Variants in MLN observed in about 807,000 individuals in gnomAD.
MLN encodes the protein promotilin.
A neutral mutation model predicts 13.3 loss-of-function variants in MLN; 14 were observed. That is an observed-to-expected ratio of 1.05 (90% CI 0.69 to 1.64). The LOEUF is 1.64. Ranked by LOEUF, MLN falls within the 40% of genes most tolerant of loss-of-function variation. MLN has a pLI of 0.00. For missense variants in MLN, 122 were observed against 142.9 expected (o/e 0.85, Z 0.75); for synonymous variants, 59 against 54.7 (o/e 1.08, Z -0.34).
chr6:33,796,606 A>G (rs1767929460), intron 3 of MLN, among the ~76,000 whole-genome samples: 1 of 152,084 alleles, frequency 6.6e-6, no homozygotes, highest in Non-Finnish European at 1.5e-5. Flanking sequence ...CCTGCCTCCC[A>G]CCGGGCTCCC....
rs1767993308 is a variant in MLN, at chr6:33,799,236, G to T, written c.118-15C>A. ...CGTTCCTTTTCCTAGGGGCAGAACAGAAAATTGCACAAAACCGCCCTCCCT... is the reference window on the plus strand; with the variant it reads ...CGTTCCTTTTCCTAGGGGCAGAACATAAAATTGCACAAAACCGCCCTCCCT... On this transcript the variant is annotated splice_polypyrimidine_tract_variant and intron_variant, in intron 2 of 4. Transcript: ENST00000430124. The surrounding 1 kb of genome is among the most constrained non-coding windows in gnomAD (Gnocchi z 4.6). 6.3e-7 allele frequency: 1 copy of T among 1,596,742 alleles called. No individual in the cohort carries two copies. Among genetic ancestry groups the T allele is most frequent in the East Asian group, 2.2e-5 (1 of 44,554 alleles).
chr6:33,799,546 T>C lies in MLN; in HGVS notation c.118-325A>G, dbSNP rs1006429785. On this transcript the variant is annotated intron_variant, in intron 2 of 4. Transcript: ENST00000430124. The surrounding 1 kb of genome is among the most constrained non-coding windows in gnomAD (Gnocchi z 4.6). ...GAAAATAATGCCTGCCCTTCATGCATATTAAGTGTGAAAATGTGTCTTTCT... is the reference window on the plus strand; with the variant it reads ...GAAAATAATGCCTGCCCTTCATGCACATTAAGTGTGAAAATGTGTCTTTCT... Among the ~76,000 whole-genome samples the C allele has an allele frequency of 6.6e-6, 1 of 152,160 alleles. No homozygotes were observed. Among genetic ancestry groups the C allele is most frequent in the African/African-American group, 2.4e-5 (1 of 41,432 alleles).
In MLN at chr6:33,803,255, T is replaced by TC. The variant is rs1275075121; in HGVS notation, c.-8+697dup. On this transcript the variant is annotated intron_variant, in intron 1 of 4. Coordinates refer to ENST00000430124, the MANE Select transcript of MLN (RefSeq NM_002418.3). The surrounding 1 kb of genome is among the most constrained non-coding windows in gnomAD (Gnocchi z 4.5). ...CACCCCTGGCCGGGCTAGCCTTGCC[T>TC]CCCCATGTGCTCTCCCTCGGGGTCA... Among the ~76,000 whole-genome samples the TC allele has an allele frequency of 1.3e-5, 2 of 151,434 alleles. No homozygotes were observed. Among genetic ancestry groups the TC allele is most frequent in the Non-Finnish European group, 2.9e-5 (2 of 67,910 alleles).
At chr6:33,802,263 G>A (rs1204687653) in intron 1 of MLN, among the ~76,000 whole-genome samples, 1 of 152,198 alleles carries the variant, frequency 6.6e-6, no homozygotes. Context: ...TGCGCTGGGT[G>A]GACTGCTGAG....
rs1760898800 is a variant in MLN, at chr6:33,803,360, T to G, written c.-8+593A>C. ...TCTCGCTCTGTCTCCCAGGCTAGAG[T>G]GCAGTGGCGCGATCTCGGCTCACTG... On this transcript the variant is annotated intron_variant, in intron 1 of 4. Coordinates refer to ENST00000430124, the MANE Select transcript of MLN (RefSeq NM_002418.3). The surrounding 1 kb of genome is among the most constrained non-coding windows in gnomAD (Gnocchi z 4.5). 6.7e-6 allele frequency among the ~76,000 whole-genome samples: 1 copy of G among 148,654 alleles called. No individual in the cohort carries two copies. The highest frequency in any genetic ancestry group is 1.5e-5 in the Non-Finnish European group (1 of 67,504).
rs144418388 is a variant in MLN, at chr6:33,799,731, G to T, written c.118-510C>A. Among the ~76,000 whole-genome samples, 532 of 152,252 alleles carry T rather than the reference G, an allele frequency of 3.5e-3. 5 individuals are homozygous for T. The highest frequency in any genetic ancestry group is 9.7e-3 in the African/African-American group (403 of 41,542). ...TTGTAGCTTCTTCATAAAAATCCTG[G>T]TGCCTGGCAATTATGAGGAGAAAAG... On this transcript the variant is annotated intron_variant, in intron 2 of 4. Transcript: ENST00000430124. This position sits in a 1 kb window ranked among gnomAD's most constrained non-coding sequence, Gnocchi z 4.6.
chr6:33,799,903 T>G lies in MLN; in HGVS notation c.118-682A>C, dbSNP rs1042705048. Among the ~76,000 whole-genome samples the G allele has an allele frequency of 6.6e-6, 1 of 152,182 alleles. No homozygotes were observed. Among genetic ancestry groups the G allele is most frequent in the Non-Finnish European group, 1.5e-5 (1 of 68,028 alleles). On this transcript the variant is annotated intron_variant, in intron 2 of 4. Transcript: ENST00000430124. This position sits in a 1 kb window ranked among gnomAD's most constrained non-coding sequence, Gnocchi z 4.6. ...GCACTGAGATCCTCATTCCTTTGCT[T>G]TCTCTAATGACACTCTTGGGACTCT... is the stretch of plus-strand genomic sequence containing the variant.
intron 3 of MLN, among the ~76,000 whole-genome samples, chr6:33,798,836 T>C (rs1767982092): frequency 6.6e-6 from 1 of 152,200 alleles, no homozygotes; most frequent in East Asian, 1.9e-4. Context: ...AGGCCTTCCC[T>C]GACCCGTCTC....
At chr6:33,802,851 C>A (rs985684333) in intron 1 of MLN, among the ~76,000 whole-genome samples, 2 of 152,176 alleles carry the variant, frequency 1.3e-5, no homozygotes, top group African/African-American at 2.4e-5. Context: ...CATTCCTGCG[C>A]GTTCCCTGAA....
intron 4 of MLN, 128 bp from the exon 5 acceptor site, chr6:33,794,963 G>T (rs930550690): frequency 9.5e-6 from 11 of 1,159,280 alleles, no homozygotes; most frequent in Non-Finnish European, 1.2e-5. Flanking sequence ...AAGGTGGGAA[G>T]TTTTGCAAGG....
Position 33,794,693 on chromosome 6 carries a change from T to C in MLN, c.*132A>G, listed in dbSNP as rs113820399. On this transcript the variant is annotated 3_prime_UTR_variant, in exon 5 of 5. Transcript: ENST00000430124. ...ATTTCTGTATATTTCATGCTTTATT[T>C]GCTGGAGGGGAATTTGCTTTGGAAA... The C allele has an allele frequency of 6.2e-5, 60 of 969,394 alleles. No individual in the cohort carries two copies. In the African/African-American group the frequency reaches 7.7e-4, roughly 13 times the overall value. The allele number at this position is 969,394 out of a possible 1,614,324, so 60.0% of individuals were successfully genotyped here. A position where few individuals can be genotyped will look rare whatever the true frequency, so the allele number is the denominator to read the frequency against.
chr6:33,800,202 A>G (rs1210016251), intron 2 of MLN, among the ~76,000 whole-genome samples: 1 of 152,174 alleles, frequency 6.6e-6, no homozygotes, highest in Non-Finnish European at 1.5e-5. Flanking sequence ...TAACTCATGT[A>G]TTCATCCCTA....
Position 33,799,252 on chromosome 6 carries a change from C to G in MLN, c.118-31G>C, listed in dbSNP as rs369819518. The G allele has an allele frequency of 6.5e-7, 1 of 1,544,266 alleles. No homozygotes were observed. Among genetic ancestry groups the G allele is most frequent in the South Asian group, 1.1e-5 (1 of 88,682 alleles). On this transcript the variant is annotated intron_variant, in intron 2 of 4. Transcript: ENST00000430124. This position sits in a 1 kb window ranked among gnomAD's most constrained non-coding sequence, Gnocchi z 4.6. ...GGCAGAACAGAAAATTGCACAAAAC[C>G]GCCCTCCCTCAACCCACGCTGATGG...
In MLN at chr6:33,803,370, C is replaced by T. The variant is rs1164540323; in HGVS notation, c.-8+583G>A. Among the ~76,000 whole-genome samples the T allele has an allele frequency of 2.0e-5, 3 of 150,356 alleles. No homozygotes were observed. The highest frequency in any genetic ancestry group is 6.6e-5 in the Admixed American group (1 of 15,088). ...TCTCCCAGGCTAGAGTGCAGTGGCG[C>T]GATCTCGGCTCACTGCAACCTCTGC... is the stretch of plus-strand genomic sequence containing the variant. On this transcript the variant is annotated intron_variant, in intron 1 of 4. Transcript: ENST00000430124. The surrounding 1 kb of genome is among the most constrained non-coding windows in gnomAD (Gnocchi z 4.5).
rs575041314 is a variant in MLN, at chr6:33,802,505, C to T, written c.-7-1335G>A. On this transcript the variant is annotated intron_variant, in intron 1 of 4. Transcript: ENST00000430124. ...ACCTTCCAAGGCTGCAGGCTTGCAT[C>T]CTGCCTCTCAGCCAAGACCTGTCTC... Among the ~76,000 whole-genome samples the T allele has an allele frequency of 2.6e-5, 4 of 152,320 alleles. No homozygotes were observed. In the South Asian group the frequency reaches 8.3e-4, roughly 32 times the overall value.
chr6:33,795,489 C>T lies in MLN; in HGVS notation c.337+14G>A, dbSNP rs563854611. On this transcript the variant is annotated intron_variant, in intron 4 of 4. Transcript: ENST00000430124. Reference sequence around the variant, plus strand: ...AGGCCGGCCAAGCCACAGAGATGCCCGCCCTCCCCGTACCATGCTGGGGAA... The same window carrying T: ...AGGCCGGCCAAGCCACAGAGATGCCTGCCCTCCCCGTACCATGCTGGGGAA... 5.2e-6 allele frequency: 8 copies of T among 1,551,722 alleles called. No individual in the cohort carries two copies. The highest frequency in any genetic ancestry group is 4.8e-5 in the East Asian group (2 of 41,658).
At chr6:33,801,726 G>A (rs1448576664) in intron 1 of MLN, among the ~76,000 whole-genome samples, 5 of 152,242 alleles carry the variant, frequency 3.3e-5, no homozygotes, top group Admixed American at 1.3e-4. Context: ...TCAGCATGGA[G>A]CTGTATCCCT....
In MLN at chr6:33,801,963, G is replaced by A. The variant is rs1172169504; in HGVS notation, c.-7-793C>T. Among the ~76,000 whole-genome samples the A allele has an allele frequency of 3.3e-5, 5 of 152,160 alleles. No individual in the cohort carries two copies. The East Asian group carries it at 7.7e-4, about 23-fold the overall frequency. On this transcript the variant is annotated intron_variant, in intron 1 of 4. Coordinates refer to ENST00000430124, the MANE Select transcript of MLN (RefSeq NM_002418.3). ...GCTTTAGTGGGCTTTTGGAGCTCGG[G>A]TCCTGGCAGGGAGCAGGTAGGCATG...
At position 33,803,978 on chromosome 6, in the gene MLN, T is replaced by G. The variant is rs1324496405; in HGVS notation, c.-33A>C. ...GGCGTGCACGTGGTCTGAGTGGGTCTGGAGGAGTCTCTCTGCTTGTCTTCT... is the reference window on the plus strand; with the variant it reads ...GGCGTGCACGTGGTCTGAGTGGGTCGGGAGGAGTCTCTCTGCTTGTCTTCT... On this transcript the variant is annotated 5_prime_UTR_variant, in exon 1 of 5. Transcript: ENST00000430124. The surrounding 1 kb of genome is among the most constrained non-coding windows in gnomAD (Gnocchi z 4.5). 1 of 152,412 alleles carries G rather than the reference T, an allele frequency of 6.6e-6. No homozygotes were observed. Among genetic ancestry groups the G allele is most frequent in the African/African-American group, 2.4e-5 (1 of 41,434 alleles). 9.4% of individuals were successfully genotyped at this position (152,412 alleles called of 1,614,324 possible). A position where few individuals can be genotyped will look rare whatever the true frequency, so the allele number is the denominator to read the frequency against.
Sources: gnomAD v4.1 joint callset for allele counts (sites outside exome capture counted in the v4.1 genomes callset) on GRCh38, gnomAD v4.1.1 for gene constraint, Gnocchi (gnomAD v3.1) non-coding constraint, MANE v1.5 for transcripts, NCBI Gene and HGNC (gene_info 2026-07-23, HGNC 2026-07-21) for gene names.